Variants in KCNH7 observed in about 807,000 individuals in gnomAD.
KCNH7 encodes the protein voltage-gated inwardly rectifying potassium channel KCNH7.
KCNH7 carries 49 observed loss-of-function variants against 120.8 expected under a neutral mutation model. The ratio of observed to expected loss-of-function variants is 0.41; its 90% CI spans 0.32 to 0.51. The LOEUF is 0.51. Ranked by LOEUF, KCNH7 falls within the 20% of genes least tolerant of loss-of-function variation. The pLI, the probability that KCNH7 is intolerant of heterozygous loss-of-function variation, is 0.38. For synonymous variants in KCNH7, 547 were observed against 516.1 expected (o/e 1.06, Z -0.81); for missense variants, 1,097 against 1,446.6 (o/e 0.76, Z 3.92).
chr2:162,746,494 C>A (rs73974059), intron 2 of KCNH7, among the ~76,000 whole-genome samples: 2,197 of 152,118 alleles, frequency 0.014, 42 homozygotes, highest in East Asian at 0.078. Flanking sequence ...TTAAATGAAC[C>A]AGAAAACTCA....
At chr2:162,548,028 T>C (rs1486458477) in intron 2 of KCNH7, among the ~76,000 whole-genome samples, 3 of 152,234 alleles carry the variant, frequency 2.0e-5, no homozygotes, top group Admixed American at 6.5e-5. Context: ...CTAGGTATTT[T>C]AGCCCTCTCC....
chr2:162,673,358 C>T (rs768995616), intron 2 of KCNH7, among the ~76,000 whole-genome samples: 2 of 151,962 alleles, frequency 1.3e-5, no homozygotes, highest in Non-Finnish European at 2.9e-5. Context: ...CATTATCAGT[C>T]AGGTTAATCC....
chr2:162,635,364 C>T (rs190699606), intron 2 of KCNH7, among the ~76,000 whole-genome samples: 4 of 151,912 alleles, frequency 2.6e-5, no homozygotes, highest in Admixed American at 2.6e-4. Context: ...AATAATAGGT[C>T]CCCAAGATAT....
At chr2:162,575,563 T>G (rs1259139443) in intron 2 of KCNH7, among the ~76,000 whole-genome samples, 1 of 152,076 alleles carries the variant, frequency 6.6e-6, no homozygotes, top group Non-Finnish European at 1.5e-5. Context: ...TAGCTGGCTC[T>G]TGTTTACCCC....
intron 2 of KCNH7, among the ~76,000 whole-genome samples, chr2:162,681,664 GT>G (rs1393353060): frequency 1.3e-5 from 2 of 151,628 alleles, no homozygotes; most frequent in Non-Finnish European, 3.0e-5. Context: ...AATGTTACAG[GT>G]TTTATAGTTT....
At chr2:162,628,955 G>A (rs1683657895) in intron 2 of KCNH7, among the ~76,000 whole-genome samples, 1 of 152,006 alleles carries the variant, frequency 6.6e-6, no homozygotes, top group Non-Finnish European at 1.5e-5. Context: ...TCACTCTTGG[G>A]GCAAGGCATA....
At chr2:162,733,834 T>A (rs886408707) in intron 2 of KCNH7, among the ~76,000 whole-genome samples, 1 of 152,232 alleles carries the variant, frequency 6.6e-6, no homozygotes, top group Non-Finnish European at 1.5e-5. Flanking sequence ...CCACTTGTTA[T>A]GTAAAATGGT....
Position 162,433,687 on chromosome 2 carries a change from C to T in KCNH7, c.1954+1511G>A, listed in dbSNP as rs2105517091. Among the ~76,000 whole-genome samples, 5 of 151,914 alleles carry T rather than the reference C, an allele frequency of 3.3e-5. 1 individual carries two copies. The South Asian group carries it at 1.0e-3, about 32-fold the overall frequency. ...AAACCATAAGAATCCTAGAAGAAAA[C>T]CTAGGAAATACCATCTGGATAACAG... On this transcript the variant is annotated intron_variant, in intron 8 of 15. Coordinates refer to ENST00000332142, the MANE Select transcript of KCNH7 (RefSeq NM_033272.4).
intron 2 of KCNH7, among the ~76,000 whole-genome samples, chr2:162,720,322 A>G (rs10194848): frequency 0.028 from 3,872 of 139,848 alleles, 149 homozygotes; most frequent in African/African-American, 0.1. Flanking sequence ...AAAAAAAAAA[A>G]AGAGAGAGAG....
chr2:162,700,325 C>T (rs1010670039), intron 2 of KCNH7, among the ~76,000 whole-genome samples: 3 of 152,134 alleles, frequency 2.0e-5, no homozygotes, highest in African/African-American at 7.2e-5. Flanking sequence ...TGCTGTGGAA[C>T]CACGAGATGC....
chr2:162,777,967 T>G (rs2105486377), intron 2 of KCNH7, among the ~76,000 whole-genome samples: 1 of 152,254 alleles, frequency 6.6e-6, no homozygotes, highest in South Asian at 2.1e-4. Flanking sequence ...AAAGGCTAAC[T>G]TTGTCCAATA....
At chr2:162,472,538 G>A (rs1045958800) in intron 6 of KCNH7, among the ~76,000 whole-genome samples, 8 of 152,148 alleles carry the variant, frequency 5.3e-5, no homozygotes, top group African/African-American at 1.2e-4. Flanking sequence ...ACCACAATGA[G>A]ATACCATCTC....
At chr2:162,750,618 A>G (rs2105429933) in intron 2 of KCNH7, among the ~76,000 whole-genome samples, 1 of 152,320 alleles carries the variant, frequency 6.6e-6, no homozygotes, top group Non-Finnish European at 1.5e-5. Flanking sequence ...GAGATAATTT[A>G]CAGAGGTATA....
intron 2 of KCNH7, among the ~76,000 whole-genome samples, chr2:162,698,556 C>A (rs928554349): frequency 1.3e-5 from 2 of 151,782 alleles, no homozygotes; most frequent in East Asian, 1.9e-4. Context: ...AAATTAGAGA[C>A]CTCTAAGAAT....
chr2:162,558,967 A>G (rs1250104426), intron 2 of KCNH7, among the ~76,000 whole-genome samples: 1 of 145,038 alleles, frequency 6.9e-6, no homozygotes, highest in Non-Finnish European at 1.5e-5. Flanking sequence ...AGGCAGGAGA[A>G]TGGCGTGAAC....
chr2:162,716,924 G>A (rs1687142969), intron 2 of KCNH7, among the ~76,000 whole-genome samples: 1 of 151,920 alleles, frequency 6.6e-6, no homozygotes. Context: ...AATGTCTTTA[G>A]GGAACATTTA....
At chr2:162,386,537 TC>T (rs1402482649) in intron 12 of KCNH7, among the ~76,000 whole-genome samples, 2 of 151,844 alleles carry the variant, frequency 1.3e-5, no homozygotes, top group African/African-American at 4.8e-5. Context: ...AAGTAAACCT[TC>T]TTGTGATCTG....
At chr2:162,806,100 G>C (rs762031999) in intron 2 of KCNH7, among the ~76,000 whole-genome samples, 13 of 152,142 alleles carry the variant, frequency 8.5e-5, no homozygotes, top group Non-Finnish European at 1.3e-4. Context: ...CGGTGGGAGG[G>C]AGATGTGGGG....
chr2:162,659,613 G>A (rs1684888375), intron 2 of KCNH7, among the ~76,000 whole-genome samples: 1 of 152,096 alleles, frequency 6.6e-6, no homozygotes, highest in African/African-American at 2.4e-5. Context: ...AAAGTGCTGG[G>A]ATTACAGGCA....
Sources: allele counts gnomAD v4.1 joint callset (sites outside exome capture counted in the v4.1 genomes callset), GRCh38; gene constraint gnomAD v4.1.1; transcripts MANE v1.5; gene names NCBI Gene and HGNC (gene_info 2026-07-23, HGNC 2026-07-21).